Variants in TENT4A observed in about 807,000 individuals in gnomAD.
TENT4A encodes terminal nucleotidyltransferase 4A, also known as DNA polymerase kappa.
A neutral mutation model predicts 72.8 loss-of-function variants in TENT4A; 7 were observed. The ratio of observed to expected loss-of-function variants is 0.10; its 90% confidence interval spans 0.05 to 0.18. The LOEUF (loss-of-function observed/expected upper bound fraction) is 0.18, where lower values mean the gene tolerates loss of function less well. Among genes scored for constraint, TENT4A ranks in the 10% least tolerant of loss-of-function variants. The pLI is 1.00. For synonymous variants in TENT4A, 456 were observed against 434.3 expected (o/e 1.05, Z -0.62); for missense variants, 831 against 1,017.7 (o/e 0.82, Z 2.50).
intron 1 of TENT4A, among the ~76,000 whole-genome samples, chr5:6,718,275 C>T (rs1279068455): frequency 1.3e-5 from 2 of 151,688 alleles, no homozygotes; most frequent in East Asian, 2.0e-4. Flanking sequence ...TTTCTCAATT[C>T]TTTCTTGCGA....
chr5:6,734,855 G>C (rs947952677), intron 1 of TENT4A, among the ~76,000 whole-genome samples: 2 of 152,220 alleles, frequency 1.3e-5, no homozygotes, highest in Non-Finnish European at 2.9e-5. Flanking sequence ...CTGTGCAAGG[G>C]AACAGACATT....
intron 5 of TENT4A, among the ~76,000 whole-genome samples, chr5:6,743,361 C>A (rs1260452162): frequency 6.6e-6 from 1 of 152,202 alleles, no homozygotes; most frequent in African/African-American, 2.4e-5. Flanking sequence ...TGCTCTCCTG[C>A]TCCGGAGGCC....
Position 6,748,106 on chromosome 5 carries a change from A to T in TENT4A, c.1460-358A>T, listed in dbSNP as rs555395119. Reference sequence around the variant, plus strand: ...CGGTGCTGCTGGTCTGCACAATGGTAGTCTTTGGCTTCCTCATGTTTCTGC... The same window carrying T: ...CGGTGCTGCTGGTCTGCACAATGGTTGTCTTTGGCTTCCTCATGTTTCTGC... On this transcript the variant is annotated intron_variant, in intron 7 of 12. Coordinates refer to ENST00000230859, the MANE Select transcript of TENT4A (RefSeq NM_006999.6). Among the ~76,000 whole-genome samples, 43 of 152,266 alleles carry T rather than the reference A, an allele frequency of 2.8e-4. No individual in the cohort carries two copies. The South Asian group carries it at 8.3e-3, about 29-fold the overall frequency.
intron 1 of TENT4A, among the ~76,000 whole-genome samples, chr5:6,724,432 A>T (rs1235577777): frequency 6.6e-6 from 1 of 152,224 alleles, no homozygotes; most frequent in East Asian, 1.9e-4. Flanking sequence ...AATGCAAAGG[A>T]ATTCTAAAGT....
intron 6 of TENT4A, among the ~76,000 whole-genome samples, chr5:6,744,963 G>T (rs1391713253): frequency 1.3e-5 from 2 of 152,190 alleles, no homozygotes; most frequent in African/African-American, 4.8e-5. Context: ...CCCTCAGGGG[G>T]TCCTTTCAGT....
Position 6,733,317 on chromosome 5 carries a change from C to T in TENT4A, c.717-4193C>T, listed in dbSNP as rs555863740. Among the ~76,000 whole-genome samples, 6 of 152,364 alleles carry T rather than the reference C, an allele frequency of 3.9e-5. No individual in the cohort carries two copies. The East Asian group carries it at 9.6e-4, about 24-fold the overall frequency. On this transcript the variant is annotated intron_variant, in intron 1 of 12. Transcript: ENST00000230859. ...CCGCCTCTTGGCTGGCACTGCTTCC[C>T]GGCGTGCCGCCAGCCTTTCTCATGG...
chr5:6,715,142 T>G (rs1740301520), intron 1 of TENT4A: 1 of 152,440 alleles, frequency 6.6e-6, no homozygotes, highest in African/African-American at 2.4e-5. Flanking sequence ...CTTTTTAATT[T>G]CATTTTTTAA....
intron 1 of TENT4A, 52 bp downstream of exon 1, chr5:6,714,751 C>CGGCGCCCGCGGTCCTGGCA: frequency 9.2e-7 from 1 of 1,084,360 alleles, no homozygotes; most frequent in Non-Finnish European, 1.2e-6. Flanking sequence ...TGGTCCTGGC[C>CGGCGCCCGCGGTCCTGGCA]GGCGCCCGCG....
At chr5:6,745,013 G>A (rs1742010988) in intron 6 of TENT4A, among the ~76,000 whole-genome samples, 1 of 152,156 alleles carries the variant, frequency 6.6e-6, no homozygotes, top group Non-Finnish European at 1.5e-5. Flanking sequence ...AGCATGAGTG[G>A]GATTCCTGTG....
At chr5:6,750,301 G>T (rs541087044) in intron 9 of TENT4A, 30 bp from the exon 10 acceptor site, 16 of 1,588,664 alleles carry the variant, frequency 1.0e-5, no homozygotes, top group African/African-American at 1.4e-5. Context: ...GTTCTCAGGA[G>T]TTATTAACCA....
chr5:6,745,606 G>T (rs567255814), intron 6 of TENT4A, among the ~76,000 whole-genome samples: 4 of 152,328 alleles, frequency 2.6e-5, no homozygotes, highest in Admixed American at 2.0e-4. Flanking sequence ...AGGAGGTGTG[G>T]TGGACAGTGG....
chr5:6,752,626 A>C (rs1742469210), intron 11 of TENT4A, among the ~76,000 whole-genome samples: 1 of 152,248 alleles, frequency 6.6e-6, no homozygotes, highest in South Asian at 2.1e-4. Context: ...TTTGATCTTC[A>C]ATGAGTTTCA....
Position 6,737,633 on chromosome 5 carries a change from T to C in TENT4A, c.840T>C (p.Asp280=). The C allele has an allele frequency of 2.5e-6, 4 of 1,613,660 alleles. No individual in the cohort carries two copies. The highest frequency in any genetic ancestry group is 3.4e-6 in the Non-Finnish European group (4 of 1,179,888). Reference sequence around the variant, plus strand: ...TGAAAGACCTTTGGCCGACGGCTGATGTGAGTATGTTCTTTGGAGTTCTGT... The same window carrying C: ...TGAAAGACCTTTGGCCGACGGCTGACGTGAGTATGTTCTTTGGAGTTCTGT... ...TVVKDLWPTA[D]VQIFGSFSTG... Residue 280 remains aspartate, a splice_region_variant and synonymous_variant, in exon 2 of 13, where the codon GAT becomes GAC. Transcript: ENST00000230859.
intron 1 of TENT4A, among the ~76,000 whole-genome samples, chr5:6,721,219 G>A (rs950868404): frequency 1.3e-5 from 2 of 152,154 alleles, no homozygotes; most frequent in Admixed American, 1.3e-4. Flanking sequence ...AGCAGGAGGA[G>A]GATCTGCCAA....
chr5:6,740,861 T>G (rs1033079033), intron 4 of TENT4A, among the ~76,000 whole-genome samples: 1 of 152,202 alleles, frequency 6.6e-6, no homozygotes, highest in Non-Finnish European at 1.5e-5. Context: ...CGGGCCTTAT[T>G]GCACTTAGCT....
At chr5:6,733,841 A>G (rs996493878) in intron 1 of TENT4A, among the ~76,000 whole-genome samples, 10 of 152,230 alleles carry the variant, frequency 6.6e-5, no homozygotes, top group African/African-American at 2.4e-4. Flanking sequence ...GTATGTGCAC[A>G]GCTTCCTAAG....
At chr5:6,725,567 G>C (rs1277286061) in intron 1 of TENT4A, among the ~76,000 whole-genome samples, 8 of 152,240 alleles carry the variant, frequency 5.3e-5, no homozygotes. Flanking sequence ...CCTGCTGTGT[G>C]TGCCATCTTA....
chr5:6,743,573 G>C, intron 5 of TENT4A, 139 bp from the exon 6 acceptor site: 2 of 658,294 alleles, frequency 3.0e-6, no homozygotes, highest in Non-Finnish European at 5.1e-6. Flanking sequence ...ACCAAAGTTT[G>C]AGACTTAATG....
intron 1 of TENT4A, among the ~76,000 whole-genome samples, chr5:6,717,490 C>T (rs1740446339): frequency 6.6e-6 from 1 of 152,206 alleles, no homozygotes. Flanking sequence ...GGACACTTTG[C>T]CTGGTGGCTT....
Sources: allele counts gnomAD v4.1 joint callset (sites outside exome capture counted in the v4.1 genomes callset), GRCh38; gene constraint gnomAD v4.1.1; transcripts MANE v1.5; gene names NCBI Gene and HGNC (gene_info 2026-07-23, HGNC 2026-07-21).